Variants in ELF5 observed in about 807,000 individuals in gnomAD.
ELF5 encodes the protein E74 like ETS transcription factor 5, also known as ETS-related transcription factor Elf-5.
In ELF5, 31 loss-of-function variants were observed where a neutral mutation model predicts 38.2. That is an observed-to-expected ratio of 0.81 (90% CI 0.61 to 1.10). The LOEUF (loss-of-function observed/expected upper bound fraction) is 1.10, where lower values mean the gene tolerates loss of function less well. ELF5 is among the 50% of genes least tolerant of loss of function. The pLI is 0.00. For missense variants in ELF5, 300 were observed against 306.6 expected (o/e 0.98, Z 0.16); for synonymous variants, 121 against 112.5 (o/e 1.08, Z -0.48).
intron 2 of ELF5, among the ~76,000 whole-genome samples, chr11:34,496,595 C>T (rs1850327498): frequency 6.6e-6 from 1 of 152,192 alleles, no homozygotes; most frequent in Non-Finnish European, 1.5e-5. Context: ...CTCTGCTCAT[C>T]CTCACTCCCC....
intron 1 of ELF5, among the ~76,000 whole-genome samples, chr11:34,507,919 G>A (rs72927372): frequency 3.3e-5 from 5 of 151,914 alleles, no homozygotes; most frequent in Admixed American, 1.3e-4. Context: ...ATTTGCCTAC[G>A]ACTGTGATAA....
intron 4 of ELF5, among the ~76,000 whole-genome samples, chr11:34,485,487 C>T (rs1423615241): frequency 1.3e-5 from 2 of 152,200 alleles, no homozygotes; most frequent in Admixed American, 6.5e-5. Context: ...GAATAGACAA[C>T]AAGCGTTCAC....
intron 2 of ELF5, among the ~76,000 whole-genome samples, chr11:34,496,348 GGGA>G (rs1268622645): frequency 1.3e-5 from 2 of 152,100 alleles, no homozygotes; most frequent in African/African-American, 4.8e-5. Context: ...CCCCAGAACT[GGGA>G]GGAAAATGGC....
chr11:34,495,677 G>C (rs936725625), intron 2 of ELF5, among the ~76,000 whole-genome samples: 1 of 152,228 alleles, frequency 6.6e-6, no homozygotes, highest in African/African-American at 2.4e-5. Context: ...TTGTGCCAGG[G>C]TGCTTGAGGC....
chr11:34,508,228 G>A lies in ELF5; in HGVS notation c.-4-2475C>T, dbSNP rs112421417. Among the ~76,000 whole-genome samples, 463 of 152,240 alleles carry A rather than the reference G, an allele frequency of 3.0e-3. 2 individuals carry two copies. Among genetic ancestry groups the A allele is most frequent in the African/African-American group, 0.01 (425 of 41,544 alleles). ...GTTAAAAATAATTTTACTGCTGGGC[G>A]CAGTGGTTTACACCTGTAATCCCAG... On this transcript the variant is annotated intron_variant, in intron 1 of 6. Transcript: ENST00000257832.
chr11:34,488,273 C>T (rs1850062974), intron 4 of ELF5, among the ~76,000 whole-genome samples: 1 of 152,058 alleles, frequency 6.6e-6, no homozygotes, highest in South Asian at 2.1e-4. Context: ...CTGGGCCTGG[C>T]ATATAGTAAG....
In ELF5 at chr11:34,489,990, C is replaced by T. The variant is rs943895626; in HGVS notation, c.406+19G>A. 1.2e-6 allele frequency: 2 copies of T among 1,613,980 alleles called. No homozygotes were observed. The highest frequency in any genetic ancestry group is 2.7e-5 in the African/African-American group (2 of 75,050). On this transcript the variant is annotated intron_variant, in intron 4 of 6. Transcript: ENST00000257832. ...ACAACCTTGACAGAGCCTTGGGTGG[C>T]TTGCGCTTGGTTACTTACAGTCTTT...
chr11:34,501,338 C>G (rs1850461574), intron 2 of ELF5, among the ~76,000 whole-genome samples: 1 of 152,148 alleles, frequency 6.6e-6, no homozygotes, highest in Non-Finnish European at 1.5e-5. Context: ...GTTTAGAAAC[C>G]TCTGCAGCTG....
At chr11:34,493,939 G>C (rs1461992343) in intron 2 of ELF5, among the ~76,000 whole-genome samples, 1 of 152,076 alleles carries the variant, frequency 6.6e-6, no homozygotes, top group African/African-American at 2.4e-5. Flanking sequence ...GGAATGACAG[G>C]GGCAAGAAAG....
At chr11:34,509,694 C>A (rs1436466984) in intron 1 of ELF5, among the ~76,000 whole-genome samples, 1 of 152,098 alleles carries the variant, frequency 6.6e-6, no homozygotes, top group Non-Finnish European at 1.5e-5. Context: ...GAGCTGAAAG[C>A]CACTTCTGCT....
At chr11:34,510,972 C>A (rs1260194344) in intron 1 of ELF5, among the ~76,000 whole-genome samples, 2 of 152,050 alleles carry the variant, frequency 1.3e-5, no homozygotes, top group African/African-American at 4.8e-5. Flanking sequence ...ATGGAAGGAG[C>A]CCTGGGCCTG....
intron 2 of ELF5, among the ~76,000 whole-genome samples, chr11:34,504,989 C>G (rs1011699744): frequency 6.6e-6 from 1 of 152,096 alleles, no homozygotes; most frequent in African/African-American, 2.4e-5. Context: ...CTCATCACCC[C>G]TGGTTTAGGG....
intron 1 of ELF5, among the ~76,000 whole-genome samples, chr11:34,507,263 A>G (rs1162753430): frequency 6.6e-6 from 1 of 152,220 alleles, no homozygotes; most frequent in Non-Finnish European, 1.5e-5. Flanking sequence ...GGTAATTGCA[A>G]CAAGCACTTC....
At position 34,513,675 on chromosome 11, in the gene ELF5, A is replaced by C. The variant is rs926910209; in HGVS notation, c.-5+2T>G. ...CCAAAAAAGCAAAGAAAAGGCGCTTACGTGAGGGCAGCGGTGGCTAGGTCC... is the reference window on the plus strand; with the variant it reads ...CCAAAAAAGCAAAGAAAAGGCGCTTCCGTGAGGGCAGCGGTGGCTAGGTCC... On this transcript the variant is annotated splice_donor_variant, in intron 1 of 6. Transcript: ENST00000257832. LOFTEE classifies it low-confidence loss of function (5UTR_SPLICE). The C allele has an allele frequency of 6.6e-6, 1 of 152,368 alleles. No individual in the cohort carries two copies. The highest frequency in any genetic ancestry group is 1.5e-5 in the Non-Finnish European group (1 of 68,132). The allele number at this position is 152,368 out of a possible 1,614,324, so 9.4% of individuals were successfully genotyped here. A position where few individuals can be genotyped will look rare whatever the true frequency, so the allele number is the denominator to read the frequency against.
chr11:34,487,699 G>C (rs1850038930), intron 4 of ELF5, among the ~76,000 whole-genome samples: 1 of 151,958 alleles, frequency 6.6e-6, no homozygotes, highest in Admixed American at 6.6e-5. Context: ...TGAGACTACT[G>C]ATGCCGTGAG....
intron 2 of ELF5, among the ~76,000 whole-genome samples, chr11:34,502,688 C>T (rs1012363069): frequency 1.3e-5 from 2 of 152,240 alleles, no homozygotes; most frequent in African/African-American, 4.8e-5. Context: ...TACTTGAAAG[C>T]CTGGCTCCAT....
chr11:34,505,831 G>C (rs1036748773), intron 1 of ELF5, 78 bp from the exon 2 acceptor site: 28 of 1,484,240 alleles, frequency 1.9e-5, no homozygotes, highest in Middle Eastern at 3.7e-4. Flanking sequence ...CCCCTAGCAG[G>C]GCGATACTTG....
rs941636308 is a variant in ELF5 at position 34,487,388 on chromosome 11, C to T, written c.406+2621G>A. Among the ~76,000 whole-genome samples the T allele has an allele frequency of 7.2e-5, 11 of 152,126 alleles. No individual in the cohort carries two copies. The East Asian group carries it at 1.7e-3, about 24-fold the overall frequency. On this transcript the variant is annotated intron_variant, in intron 4 of 6. Transcript: ENST00000257832. Reference sequence around the variant, plus strand: ...AGATGCTAGCCCAGAGCCCTTGCCCCACCACTTCTATTTCTAGAAACTTCT... The same window carrying T: ...AGATGCTAGCCCAGAGCCCTTGCCCTACCACTTCTATTTCTAGAAACTTCT...
Position 34,482,449 on chromosome 11 carries a change from G to C in ELF5, c.457C>G (p.His153Asp), listed in dbSNP as rs748417320. 2.5e-6 allele frequency: 4 copies of C among 1,612,890 alleles called. No individual in the cohort carries two copies. The African/African-American group carries it at 4.0e-5, about 16-fold the overall frequency. Reference sequence around the variant, plus strand: ...CACTTACTTGTTCTACTATGACTGTGACAGTCTTGACTTTTGATGCCACTT... The same window carrying C: ...CACTTACTTGTTCTACTATGACTGTCACAGTCTTGACTTTTGATGCCACTT... ...KTSGIKSQDC[H>D]SHSRTSLQSS... is the part of the protein sequence containing the mutation. The change falls in exon 5 of 7, where the codon CAC becomes GAC. Residue 153 changes from histidine (H) to aspartate (D), a missense_variant. By Grantham distance (81) the His-to-Asp change is moderately conservative. Transcript: ENST00000257832.
Sources: allele counts gnomAD v4.1 joint callset (sites outside exome capture counted in the v4.1 genomes callset), GRCh38; gene constraint gnomAD v4.1.1; transcripts MANE v1.5; gene names NCBI Gene and HGNC (gene_info 2026-07-23, HGNC 2026-07-21).